The following ASTN2 variants were observed in gnomAD, a reference collection of about 807,000 sequenced individuals.
ASTN2 encodes astrotactin-2.
A neutral mutation model predicts 139.8 loss-of-function variants in ASTN2; 54 were observed. That is an observed-to-expected ratio of 0.39 (90% confidence interval 0.31 to 0.48). The LOEUF (loss-of-function observed/expected upper bound fraction) is 0.48, where lower values mean the gene tolerates loss of function less well. ASTN2 is among the 20% of genes least tolerant of loss of function. The pLI, the probability that ASTN2 is intolerant of heterozygous loss-of-function variation, is 0.95. For synonymous variants in ASTN2, 756 were observed against 719.5 expected (o/e 1.05, Z -0.81); for missense variants, 1,565 against 1,725.1 (o/e 0.91, Z 1.64).
At chr9:117,077,675 C>A (rs1211382784) in intron 5 of ASTN2, among the ~76,000 whole-genome samples, 1 of 152,062 alleles carries the variant, frequency 6.6e-6, no homozygotes, top group East Asian at 1.9e-4. Context: ...TTGAACCTGG[C>A]AGATGGAGGC....
chr9:116,781,564 G>T (rs1269282836), intron 13 of ASTN2, among the ~76,000 whole-genome samples: 1 of 152,156 alleles, frequency 6.6e-6, no homozygotes, highest in East Asian at 1.9e-4. Context: ...CGGGTGTGGA[G>T]AAAATGAAGG....
At chr9:117,080,542 A>G (rs1203685828) in intron 5 of ASTN2, among the ~76,000 whole-genome samples, 1 of 152,218 alleles carries the variant, frequency 6.6e-6, no homozygotes, top group African/African-American at 2.4e-5. Context: ...CAAGGATAAG[A>G]AAGAGTGTGC....
At chr9:116,615,449 A>G (rs1855794368) in intron 19 of ASTN2, among the ~76,000 whole-genome samples, 1 of 152,080 alleles carries the variant, frequency 6.6e-6, no homozygotes, top group East Asian at 1.9e-4. Context: ...GGCACTATTC[A>G]CAATAGCAAA....
At chr9:116,625,397 G>A (rs1278961524) in intron 17 of ASTN2, among the ~76,000 whole-genome samples, 2 of 152,110 alleles carry the variant, frequency 1.3e-5, no homozygotes, top group African/African-American at 2.4e-5. Flanking sequence ...TTGCGCTACT[G>A]CACTCCAGCC....
rs564559334 is a variant in ASTN2, at chr9:116,758,117, T to C, written c.2397-24594A>G. On this transcript the variant is annotated intron_variant, in intron 13 of 22. Transcript: ENST00000313400. Reference sequence around the variant, plus strand: ...GTAAAATGAGGCCAATAAAATCACTTCTTTATTGGATTGTTTGGGAATCAA... The same window carrying C: ...GTAAAATGAGGCCAATAAAATCACTCCTTTATTGGATTGTTTGGGAATCAA... 5.9e-5 allele frequency among the ~76,000 whole-genome samples: 9 copies of C among 152,260 alleles called. No homozygotes were observed. The South Asian group carries it at 1.7e-3, about 28-fold the overall frequency.
At chr9:116,898,286 G>C (rs1833926017) in intron 10 of ASTN2, among the ~76,000 whole-genome samples, 1 of 151,862 alleles carries the variant, frequency 6.6e-6, no homozygotes, top group Non-Finnish European at 1.5e-5. Flanking sequence ...GTGTATGCTT[G>C]TGGTCTCAGC....
At chr9:117,230,118 A>T (rs992363058) in intron 2 of ASTN2, among the ~76,000 whole-genome samples, 55 of 36,732 alleles carry the variant, frequency 1.5e-3, no homozygotes, top group African/African-American at 6.1e-3. Context: ...CTCTATCTTA[A>T]AAAAAAAAAA....
intron 22 of ASTN2, among the ~76,000 whole-genome samples, chr9:116,436,680 T>C (rs1847660029): frequency 6.6e-6 from 1 of 152,176 alleles, no homozygotes; most frequent in Non-Finnish European, 1.5e-5. Context: ...GGGCTGTGAT[T>C]CCATGTAAGA....
chr9:116,485,044 T>A (rs138621757), intron 20 of ASTN2, among the ~76,000 whole-genome samples: 1,635 of 152,316 alleles, frequency 0.011, 16 homozygotes, highest in Non-Finnish European at 0.013. Context: ...ATTCTGTCGT[T>A]CCCTGTTAGA....
chr9:117,054,669 A>G lies in ASTN2; in HGVS notation c.1277-14704T>C, dbSNP rs116983077. 8.3e-3 allele frequency among the ~76,000 whole-genome samples: 1,258 copies of G among 152,356 alleles called. 9 individuals are homozygous for G. The highest frequency in any genetic ancestry group is 0.035 in the East Asian group (183 of 5,180). ...AAGGAAACAGCAGGGCACTGTACAT[A>G]GACTGGAGTGGTGGGAATTTCAGGT... On this transcript the variant is annotated intron_variant, in intron 5 of 22. Coordinates refer to ENST00000313400, the MANE Select transcript of ASTN2 (RefSeq NM_001365068.1).
chr9:117,260,135 C>T (rs1833787404), intron 2 of ASTN2, among the ~76,000 whole-genome samples: 1 of 152,042 alleles, frequency 6.6e-6, no homozygotes, highest in Non-Finnish European at 1.5e-5. Flanking sequence ...TACAGCCTAA[C>T]GTTGCCCCTA....
At chr9:116,913,784 T>C (rs1588406914) in intron 10 of ASTN2, among the ~76,000 whole-genome samples, 1 of 152,084 alleles carries the variant, frequency 6.6e-6, no homozygotes. Context: ...AAGTAATCTA[T>C]ACTGCTCCTA....
chr9:116,626,058 C>A (rs1377027976), intron 17 of ASTN2, among the ~76,000 whole-genome samples: 1 of 151,146 alleles, frequency 6.6e-6, no homozygotes, highest in Non-Finnish European at 1.5e-5. Context: ...TGGCTCACGG[C>A]AATCTCTGCC....
At chr9:116,819,867 C>A (rs2132268939) in intron 12 of ASTN2, among the ~76,000 whole-genome samples, 1 of 152,266 alleles carries the variant, frequency 6.6e-6, no homozygotes, top group South Asian at 2.1e-4. Flanking sequence ...CCATTGCAGT[C>A]TTTAAATGGA....
chr9:116,516,531 G>A (rs1850656583), intron 19 of ASTN2, among the ~76,000 whole-genome samples: 1 of 152,212 alleles, frequency 6.6e-6, no homozygotes, highest in African/African-American at 2.4e-5. Flanking sequence ...TGCCTGGATG[G>A]ACAGAGCAGC....
At chr9:116,934,436 G>A (rs1287429191) in intron 10 of ASTN2, among the ~76,000 whole-genome samples, 1 of 152,174 alleles carries the variant, frequency 6.6e-6, no homozygotes, top group Non-Finnish European at 1.5e-5. Flanking sequence ...GAAGCATAAT[G>A]AAGCTAGGAG....
intron 3 of ASTN2, among the ~76,000 whole-genome samples, chr9:117,141,693 T>C (rs1188652434): frequency 2.0e-5 from 3 of 152,368 alleles, no homozygotes; most frequent in South Asian, 4.1e-4. Context: ...TACATACTTA[T>C]GTATTCAACA....
intron 19 of ASTN2, among the ~76,000 whole-genome samples, chr9:116,565,427 ATATT>A (rs1316457639): frequency 1.9e-4 from 14 of 74,006 alleles, no homozygotes; most frequent in African/African-American, 3.9e-4. Flanking sequence ...ATATATATAT[ATATT>A]TATTTATTTA....
chr9:116,712,354 A>T (rs1263846942), intron 16 of ASTN2, among the ~76,000 whole-genome samples: 1 of 152,144 alleles, frequency 6.6e-6, no homozygotes, highest in Non-Finnish European at 1.5e-5. Context: ...TACATATTTC[A>T]TGGTGATTTT....
Sources: gnomAD v4.1 joint callset for allele counts (sites outside exome capture counted in the v4.1 genomes callset) on GRCh38, gnomAD v4.1.1 for gene constraint, MANE v1.5 for transcripts, NCBI Gene and HGNC (gene_info 2026-07-23, HGNC 2026-07-21) for gene names.